The following SLC24A2 variants were observed in gnomAD, a reference collection of about 807,000 sequenced individuals.
The protein encoded by SLC24A2 is sodium/potassium/calcium exchanger 2.
A neutral mutation model predicts 62.0 loss-of-function variants in SLC24A2; 36 were observed. The ratio of observed to expected loss-of-function variants is 0.58; its 90% CI spans 0.44 to 0.77. The LOEUF (loss-of-function observed/expected upper bound fraction) is 0.77, where lower values mean the gene tolerates loss of function less well. Ranked by LOEUF, SLC24A2 falls within the 30% of genes least tolerant of loss-of-function variation. The pLI is 0.00. For synonymous variants in SLC24A2, 358 were observed against 294.0 expected (o/e 1.22, Z -2.23); for missense variants, 846 against 817.9 (o/e 1.03, Z -0.42).
the SLC24A2 span, among the ~76,000 whole-genome samples, chr9:20,201,453 C>A: frequency 6.6e-6 from 1 of 151,838 alleles, no homozygotes; most frequent in Non-Finnish European, 1.5e-5. Flanking sequence ...TAACAGAGAC[C>A]AAGAGGGGAT....
At chr9:19,950,490 G>A in the SLC24A2 span, among the ~76,000 whole-genome samples, 1 of 152,200 alleles carries the variant, frequency 6.6e-6, no homozygotes, top group South Asian at 2.1e-4. Flanking sequence ...TAAAATAATA[G>A]GTCTGGGTGA....
At chr9:19,624,216 C>T (rs1817977067) in intron 2 of SLC24A2, among the ~76,000 whole-genome samples, 1 of 152,148 alleles carries the variant, frequency 6.6e-6, no homozygotes, top group Non-Finnish European at 1.5e-5. Context: ...TTGAGATTAA[C>T]CGTCAGAGCA....
intron 2 of SLC24A2, among the ~76,000 whole-genome samples, chr9:19,774,236 T>G (rs1822776078): frequency 6.6e-6 from 1 of 152,110 alleles, no homozygotes; most frequent in Non-Finnish European, 1.5e-5. Context: ...GCTAAACACT[T>G]TTCCTGTTTA....
the SLC24A2 span, chr9:19,967,946 A>T: frequency 6.6e-6 from 1 of 152,188 alleles, no homozygotes; most frequent in Non-Finnish European, 1.5e-5. Flanking sequence ...GATTTGAAAT[A>T]ACTTTTTTAA....
the SLC24A2 span, among the ~76,000 whole-genome samples, chr9:20,143,777 T>G: frequency 6.6e-6 from 1 of 152,232 alleles, no homozygotes; most frequent in South Asian, 2.1e-4. Flanking sequence ...ATTGGTATTC[T>G]GAAAAGAAGA....
At chr9:20,234,726 C>T in the SLC24A2 span, among the ~76,000 whole-genome samples, 45 of 152,356 alleles carry the variant, frequency 3.0e-4, no homozygotes, top group African/African-American at 7.7e-4. Context: ...TCTCTCAACT[C>T]GTCAAAGTCA....
chr9:19,921,056 T>C, the SLC24A2 span, among the ~76,000 whole-genome samples: 2 of 136,344 alleles, frequency 1.5e-5, no homozygotes, highest in East Asian at 5.2e-4. Context: ...TCATGGCATA[T>C]ACTATTTATT....
the SLC24A2 span, among the ~76,000 whole-genome samples, chr9:20,278,910 A>G: frequency 6.6e-6 from 1 of 152,200 alleles, no homozygotes; most frequent in Non-Finnish European, 1.5e-5. Context: ...TTTATAAAGG[A>G]AAGAGGTTTA....
At chr9:19,944,431 A>C in the SLC24A2 span, among the ~76,000 whole-genome samples, 3 of 151,004 alleles carry the variant, frequency 2.0e-5, no homozygotes, top group African/African-American at 7.4e-5. Flanking sequence ...ATCTAGAATA[A>C]AAGTAGTAGT....
At chr9:19,696,692 A>G (rs1037309037) in intron 2 of SLC24A2, among the ~76,000 whole-genome samples, 10 of 152,210 alleles carry the variant, frequency 6.6e-5, no homozygotes, top group Non-Finnish European at 1.2e-4. Flanking sequence ...TGCATCCAGG[A>G]AAAAGCAATG....
chr9:20,227,358 G>C, the SLC24A2 span, among the ~76,000 whole-genome samples: 1 of 152,104 alleles, frequency 6.6e-6, no homozygotes, highest in Non-Finnish European at 1.5e-5. Flanking sequence ...AACTTGGCAA[G>C]TGGTCCACAC....
chr9:20,236,664 C>T, the SLC24A2 span, among the ~76,000 whole-genome samples: 2 of 152,116 alleles, frequency 1.3e-5, no homozygotes, highest in African/African-American at 4.8e-5. Flanking sequence ...TACTCAGAAA[C>T]CCCTGAATAA....
the SLC24A2 span, among the ~76,000 whole-genome samples, chr9:20,191,377 A>C: frequency 6.6e-6 from 1 of 152,010 alleles, no homozygotes; most frequent in Non-Finnish European, 1.5e-5. Flanking sequence ...TTTTCCTATA[A>C]ATAAGTTCAT....
chr9:19,877,039 C>A, the SLC24A2 span, among the ~76,000 whole-genome samples: 1 of 152,100 alleles, frequency 6.6e-6, no homozygotes, highest in East Asian at 2.0e-4. Flanking sequence ...AAATTTCTCT[C>A]TATATTAATA....
At chr9:20,148,488 G>A in the SLC24A2 span, among the ~76,000 whole-genome samples, 1 of 152,168 alleles carries the variant, frequency 6.6e-6, no homozygotes, top group East Asian at 1.9e-4. Context: ...TGTGAGTTAT[G>A]ACTACTTTAA....
At chr9:19,798,988 A>G in the SLC24A2 span, among the ~76,000 whole-genome samples, 1 of 151,432 alleles carries the variant, frequency 6.6e-6, no homozygotes, top group Non-Finnish European at 1.5e-5. Flanking sequence ...CCTCATTTTC[A>G]TCTTCTTGTT....
At chr9:19,606,534 C>T (rs890038595) in intron 4 of SLC24A2, among the ~76,000 whole-genome samples, 3 of 152,214 alleles carry the variant, frequency 2.0e-5, no homozygotes, top group African/African-American at 7.2e-5. Context: ...CTAAAGTTCC[C>T]CCAGAGTCTT....
At chr9:19,966,160 G>A in the SLC24A2 span, among the ~76,000 whole-genome samples, 43 of 152,120 alleles carry the variant, frequency 2.8e-4, no homozygotes, top group Non-Finnish European at 6.3e-4. Flanking sequence ...ATACTTAAGC[G>A]TCCATATAGC....
At chr9:20,038,750 T>A in the SLC24A2 span, among the ~76,000 whole-genome samples, 4 of 152,122 alleles carry the variant, frequency 2.6e-5, no homozygotes, top group African/African-American at 9.7e-5. Flanking sequence ...AAAAACAGAT[T>A]GTTACAGATT....
Sources: gnomAD v4.1 joint callset for allele counts (sites outside exome capture counted in the v4.1 genomes callset) on GRCh38, gnomAD v4.1.1 for gene constraint, MANE v1.5 for transcripts, NCBI Gene and HGNC (gene_info 2026-07-23, HGNC 2026-07-21) for gene names.